Variants in WWOX observed in about 807,000 individuals in gnomAD.
WWOX encodes the protein WW domain containing oxidoreductase, also known as WW domain-containing oxidoreductase.
A neutral mutation model predicts 46.2 loss-of-function variants in WWOX; 69 were observed. The observed-to-expected ratio is 1.49, with a 90% CI of 1.23 to 1.82. The LOEUF is 1.82. Among genes scored for constraint, WWOX ranks in the 40% most tolerant of loss-of-function variants. The probability of loss-of-function intolerance (pLI) is 0.00; values close to 1 mark genes in which losing one functional copy is unlikely to be tolerated. For missense variants in WWOX, 919 were observed against 542.6 expected, an observed-to-expected ratio of 1.69 and a Z score of -6.89; for synonymous variants, 359 against 202.6, an observed-to-expected ratio of 1.77 and a Z score of -6.56.
chr16:79,100,918 G>A (rs75153316), intron 8 of WWOX, among the ~76,000 whole-genome samples: 8,998 of 151,932 alleles, frequency 0.059, 345 homozygotes, highest in South Asian at 0.095. Context: ...TGCACCCAAC[G>A]GGGTTTTCTC....
rs1037128132 is a variant in WWOX at position 79,018,187 on chromosome 16, C to T, written c.1057-193421C>T. On this transcript the variant is annotated intron_variant, in intron 8 of 8. Coordinates refer to ENST00000566780, the MANE Select transcript of WWOX (RefSeq NM_016373.4). ...ACTGAAATTTGATTTTATTGTCTATCGTTGAGTCCCTAGTTATTTTGCCTT... is the reference window on the plus strand; with the variant it reads ...ACTGAAATTTGATTTTATTGTCTATTGTTGAGTCCCTAGTTATTTTGCCTT... Among the ~76,000 whole-genome samples the T allele has an allele frequency of 3.9e-5, 6 of 152,276 alleles. No individual in the cohort carries two copies. In the East Asian group the frequency reaches 5.8e-4, roughly 15 times the overall value.
chr16:79,182,789 C>A (rs553642700), intron 8 of WWOX, among the ~76,000 whole-genome samples: 1 of 152,166 alleles, frequency 6.6e-6, no homozygotes, highest in Admixed American at 6.5e-5. Context: ...TGAGACACTT[C>A]GTGCCTGGCA....
chr16:78,652,770 T>C (rs2046995334), intron 8 of WWOX, among the ~76,000 whole-genome samples: 1 of 152,234 alleles, frequency 6.6e-6, no homozygotes, highest in Admixed American at 6.5e-5. Context: ...GAAGCAGATA[T>C]TTCTTTAATA....
intron 6 of WWOX, among the ~76,000 whole-genome samples, chr16:78,416,460 A>G (rs2082799472): frequency 6.6e-6 from 1 of 152,170 alleles, no homozygotes; most frequent in African/African-American, 2.4e-5. Context: ...CAGGATACAT[A>G]TTTTGCCTCT....
At chr16:78,649,598 T>C (rs1206365242) in intron 8 of WWOX, among the ~76,000 whole-genome samples, 2 of 152,226 alleles carry the variant, frequency 1.3e-5, no homozygotes, top group Non-Finnish European at 2.9e-5. Context: ...TGTTAATACA[T>C]ACCATGACCT....
chr16:78,811,304 C>T (rs557253888), intron 8 of WWOX, among the ~76,000 whole-genome samples: 1 of 152,266 alleles, frequency 6.6e-6, no homozygotes, highest in South Asian at 2.1e-4. Flanking sequence ...GATTCATAGG[C>T]TCTCTGGGTT....
intron 8 of WWOX, chr16:78,825,363 A>C: frequency 3.6e-6 from 1 of 275,336 alleles, no homozygotes; most frequent in Non-Finnish European, 7.4e-6. Flanking sequence ...CTTACTCCGG[A>C]GCTGGCTAAA....
intron 5 of WWOX, among the ~76,000 whole-genome samples, chr16:78,383,226 G>A (rs978252337): frequency 1.3e-5 from 2 of 152,020 alleles, no homozygotes; most frequent in Non-Finnish European, 2.9e-5. Context: ...TGACATCCCA[G>A]TAATGACTGT....
chr16:78,307,037 A>T (rs79193428), intron 5 of WWOX, among the ~76,000 whole-genome samples: 1 of 152,190 alleles, frequency 6.6e-6, no homozygotes, highest in Non-Finnish European at 1.5e-5. Flanking sequence ...TTGTTAGATA[A>T]TAGTTAGCAA....
intron 5 of WWOX, among the ~76,000 whole-genome samples, chr16:78,382,643 G>A (rs968247737): frequency 6.6e-6 from 1 of 152,172 alleles, no homozygotes; most frequent in Non-Finnish European, 1.5e-5. Flanking sequence ...CTGACTGAAC[G>A]AGGCCTGAAC....
At chr16:78,485,052 A>G (rs991007674) in intron 8 of WWOX, among the ~76,000 whole-genome samples, 3 of 152,102 alleles carry the variant, frequency 2.0e-5, no homozygotes, top group African/African-American at 7.2e-5. Flanking sequence ...GAAACTCCCT[A>G]GGATGAATGT....
At chr16:78,301,191 A>G (rs561550740) in intron 5 of WWOX, among the ~76,000 whole-genome samples, 18 of 152,348 alleles carry the variant, frequency 1.2e-4, no homozygotes, top group African/African-American at 4.3e-4. Context: ...GCTAACATAA[A>G]ATAATACCTA....
chr16:78,399,819 G>A (rs1334248286), intron 6 of WWOX, among the ~76,000 whole-genome samples: 1 of 152,134 alleles, frequency 6.6e-6, no homozygotes, highest in Non-Finnish European at 1.5e-5. Flanking sequence ...GAGAAGCTGT[G>A]CTAAAACCAC....
intron 8 of WWOX, among the ~76,000 whole-genome samples, chr16:78,663,646 A>C (rs567084610): frequency 6.6e-6 from 1 of 152,328 alleles, no homozygotes; most frequent in Admixed American, 6.5e-5. Context: ...AGTGATGTCT[A>C]TGACATCCAG....
chr16:78,691,304 C>G (rs1192471815), intron 8 of WWOX: 2 of 701,420 alleles, frequency 2.9e-6, no homozygotes, highest in Admixed American at 4.0e-5. Flanking sequence ...TGAGTTCTTA[C>G]CTTGTAAAAG....
intron 8 of WWOX, among the ~76,000 whole-genome samples, chr16:79,068,991 A>G (rs368897949): frequency 6.2e-4 from 94 of 152,258 alleles, no homozygotes; most frequent in African/African-American, 1.8e-3. Flanking sequence ...ATATGCATCT[A>G]TCTTGGTGTG....
intron 8 of WWOX, among the ~76,000 whole-genome samples, chr16:78,960,381 A>G (rs1170104428): frequency 2.0e-5 from 3 of 152,208 alleles, no homozygotes; most frequent in Non-Finnish European, 2.9e-5. Flanking sequence ...CTGGGCTGAT[A>G]CTACCTGTCC....
intron 5 of WWOX, among the ~76,000 whole-genome samples, chr16:78,296,951 A>G (rs1044541938): frequency 6.6e-6 from 1 of 152,168 alleles, no homozygotes; most frequent in African/African-American, 2.4e-5. Context: ...GGTGTTTATT[A>G]AAGTCAAGAA....
chr16:78,959,199 G>C (rs1276224075), intron 8 of WWOX, among the ~76,000 whole-genome samples: 1 of 152,120 alleles, frequency 6.6e-6, no homozygotes, highest in East Asian at 1.9e-4. Flanking sequence ...CAAGGTTCTC[G>C]TTCTTCTCAT....
Sources: allele counts gnomAD v4.1 joint callset (sites outside exome capture counted in the v4.1 genomes callset), GRCh38; gene constraint gnomAD v4.1.1; transcripts MANE v1.5; gene names NCBI Gene and HGNC (gene_info 2026-07-23, HGNC 2026-07-21).